The following DPYD variants were observed in gnomAD, a reference collection of about 807,000 sequenced individuals.
DPYD encodes dihydropyrimidine dehydrogenase [NADP(+)].
Under a neutral mutation model 116.2 loss-of-function variants are expected in DPYD, and 109 were observed. The observed-to-expected ratio is 0.94, with a 90% CI of 0.80 to 1.10. The LOEUF (loss-of-function observed/expected upper bound fraction) is 1.10, where lower values mean the gene tolerates loss of function less well. DPYD is among the 50% of genes least tolerant of loss of function. DPYD has a pLI of 0.00. For missense variants in DPYD, 1,302 were observed against 1,254.5 expected (o/e 1.04, Z -0.57); for synonymous variants, 440 against 432.0 (o/e 1.02, Z -0.23).
chr1:97,880,290 A>C (rs1323276594), intron 2 of DPYD, among the ~76,000 whole-genome samples: 1 of 151,806 alleles, frequency 6.6e-6, no homozygotes, highest in Non-Finnish European at 1.5e-5. Context: ...TAAGAAGAAA[A>C]CTTTTTCGTA....
chr1:97,545,548 A>G (rs961733587), intron 12 of DPYD, among the ~76,000 whole-genome samples: 5 of 152,178 alleles, frequency 3.3e-5, no homozygotes, highest in African/African-American at 9.6e-5. Context: ...AGACATTTAC[A>G]TGAAGATGTT....
chr1:97,467,080 A>T (rs1255799002), intron 13 of DPYD, among the ~76,000 whole-genome samples: 1 of 152,222 alleles, frequency 6.6e-6, no homozygotes, highest in Non-Finnish European at 1.5e-5. Flanking sequence ...GCTTAAAACA[A>T]TAGCCAAGGA....
intron 11 of DPYD, among the ~76,000 whole-genome samples, chr1:97,553,033 A>T (rs1327298127): frequency 6.6e-6 from 1 of 151,996 alleles, no homozygotes; most frequent in Non-Finnish European, 1.5e-5. Context: ...ACATTTATAA[A>T]TATAAGCAAT....
At chr1:97,200,508 G>A (rs1659125570) in intron 19 of DPYD, among the ~76,000 whole-genome samples, 1 of 152,140 alleles carries the variant, frequency 6.6e-6, no homozygotes, top group African/African-American at 2.4e-5. Flanking sequence ...CACTGAATAA[G>A]AAGGGTTGTT....
intron 8 of DPYD, among the ~76,000 whole-genome samples, chr1:97,669,825 C>A (rs899036195): frequency 6.6e-6 from 1 of 152,084 alleles, no homozygotes; most frequent in Non-Finnish European, 1.5e-5. Context: ...TGGAAATATG[C>A]CTAGTTTCCT....
chr1:97,518,663 A>C (rs1310307786), intron 12 of DPYD, among the ~76,000 whole-genome samples: 1 of 152,148 alleles, frequency 6.6e-6, no homozygotes, highest in African/African-American at 2.4e-5. Flanking sequence ...TATGTTATTT[A>C]GATTTTCAAT....
intron 2 of DPYD, among the ~76,000 whole-genome samples, chr1:97,853,635 A>G (rs1040956854): frequency 6.6e-6 from 1 of 152,214 alleles, no homozygotes; most frequent in African/African-American, 2.4e-5. Context: ...TTTAAAATTT[A>G]GTATTTTCCA....
At chr1:97,550,310 A>C (rs962277526) in intron 11 of DPYD, among the ~76,000 whole-genome samples, 3 of 152,104 alleles carry the variant, frequency 2.0e-5, no homozygotes, top group African/African-American at 7.2e-5. Context: ...ACATTTAGCC[A>C]GCAATTTCTG....
At chr1:97,551,298 A>G (rs1021020913) in intron 11 of DPYD, among the ~76,000 whole-genome samples, 1 of 152,174 alleles carries the variant, frequency 6.6e-6, no homozygotes, top group East Asian at 1.9e-4. Context: ...AGAGATCTTT[A>G]TCATTTGTTC....
intron 16 of DPYD, among the ~76,000 whole-genome samples, chr1:97,344,818 T>C (rs1391311328): frequency 1.3e-5 from 2 of 152,026 alleles, no homozygotes; most frequent in Non-Finnish European, 2.9e-5. Flanking sequence ...TTTATGCATG[T>C]ACTATAATTT....
chr1:97,858,353 T>C (rs1177536858), intron 2 of DPYD, among the ~76,000 whole-genome samples: 1 of 152,196 alleles, frequency 6.6e-6, no homozygotes, highest in Non-Finnish European at 1.5e-5. Flanking sequence ...ACAACAAGTG[T>C]CTTCAAAATT....
At chr1:97,164,517 T>C (rs374525891) in intron 20 of DPYD, among the ~76,000 whole-genome samples, 16 of 152,226 alleles carry the variant, frequency 1.1e-4, no homozygotes, top group East Asian at 9.7e-4. Context: ...TGATTCTATA[T>C]CTAGAAAACC....
At chr1:97,810,299 A>AT (rs1385398388) in intron 3 of DPYD, among the ~76,000 whole-genome samples, 1 of 151,036 alleles carries the variant, frequency 6.6e-6, no homozygotes, top group East Asian at 1.9e-4. Context: ...AAAAAAAAAA[A>AT]AAAAAAAGAA....
chr1:97,630,810 T>C (rs78923081), intron 8 of DPYD, among the ~76,000 whole-genome samples: 1,793 of 152,228 alleles, frequency 0.012, 20 homozygotes, highest in Middle Eastern at 0.024. Flanking sequence ...TCCACTTTGG[T>C]ACAACTCTTA....
chr1:97,088,662 G>A (rs1187253709), intron 21 of DPYD, among the ~76,000 whole-genome samples: 1 of 152,054 alleles, frequency 6.6e-6, no homozygotes, highest in Non-Finnish European at 1.5e-5. Context: ...TTCCATGCAT[G>A]TGTATAATTT....
At chr1:97,813,915 GACAC>G (rs59229553) in intron 3 of DPYD, among the ~76,000 whole-genome samples, 97,563 of 144,566 alleles carry the variant, frequency 0.67, 32,703 homozygotes, top group Middle Eastern at 0.75. Context: ...GAAACACACA[GACAC>G]ACACACACAC....
chr1:97,837,829 A>G (rs949188703), intron 2 of DPYD, among the ~76,000 whole-genome samples: 1 of 152,184 alleles, frequency 6.6e-6, no homozygotes, highest in African/African-American at 2.4e-5. Context: ...AAAATCTAAC[A>G]TAGCAGATAG....
At chr1:97,547,177 T>G (rs769238840) in intron 12 of DPYD, among the ~76,000 whole-genome samples, 9 of 152,114 alleles carry the variant, frequency 5.9e-5, no homozygotes, top group Non-Finnish European at 1.0e-4. Flanking sequence ...AAGTATGGGA[T>G]GGTGCATTTA....
At chr1:97,287,322 G>C (rs1375346484) in intron 18 of DPYD, among the ~76,000 whole-genome samples, 1 of 152,162 alleles carries the variant, frequency 6.6e-6, no homozygotes, top group Admixed American at 6.5e-5. Flanking sequence ...TGTGTGAGCA[G>C]TCAGTCTGCC....
Sources: allele counts gnomAD v4.1 joint callset (sites outside exome capture counted in the v4.1 genomes callset), GRCh38; gene constraint gnomAD v4.1.1; transcripts MANE v1.5; gene names NCBI Gene and HGNC (gene_info 2026-07-23, HGNC 2026-07-21).